GSE1: variants seen among roughly 807,000 people sequenced by gnomAD.
GSE1 encodes the protein genetic suppressor element 1.
A neutral mutation model predicts 112.6 loss-of-function variants in GSE1; 32 were observed. The observed-to-expected ratio is 0.28, with a 90% confidence interval of 0.21 to 0.38. The LOEUF is 0.38. Ranked by LOEUF, GSE1 falls within the 10% of genes least tolerant of loss-of-function variation. GSE1 has a pLI of 1.00. For synonymous variants in GSE1, 1,115 were observed against 735.6 expected, an observed-to-expected ratio of 1.52 and a Z score of -8.35; for missense variants, 2,348 against 1,699.2, an observed-to-expected ratio of 1.38 and a Z score of -6.71.
At chr16:85,666,376 T>C in intron 13 of GSE1, 29 bp downstream of exon 13, 1 of 1,611,966 alleles carries the variant, frequency 6.2e-7, no homozygotes, top group Non-Finnish European at 8.5e-7. Context: ...CCTGCTCAGC[T>C]CTCGGCTGTG....
At chr16:85,510,757 G>A (rs1284110414) in intron 2 of GSE1, among the ~76,000 whole-genome samples, 1 of 152,090 alleles carries the variant, frequency 6.6e-6, no homozygotes, top group Non-Finnish European at 1.5e-5. Context: ...ACCCCTGCAG[G>A]CCTCCTGCTC....
At chr16:85,609,246 A>G (rs1427955430), upstream of GSE1, among the ~76,000 whole-genome samples, 1 of 152,148 alleles carries the variant, frequency 6.6e-6, no homozygotes, top group Non-Finnish European at 1.5e-5. Context: ...ACCTTTAAAA[A>G]CAACCAAAAA....
At chr16:85,238,603 A>G (rs1904909972) in intron 1 of GSE1, among the ~76,000 whole-genome samples, 1 of 151,696 alleles carries the variant, frequency 6.6e-6, no homozygotes, top group African/African-American at 2.4e-5. Flanking sequence ...CAGCCTCTGC[A>G]CTCCCCCTTG....
At chr16:85,501,737 C>T (rs2051374934) in intron 2 of GSE1, among the ~76,000 whole-genome samples, 1 of 152,206 alleles carries the variant, frequency 6.6e-6, no homozygotes, top group African/African-American at 2.4e-5. Flanking sequence ...CAGCCCACAA[C>T]ACCCCCTTTT....
At position 85,663,468 on chromosome 16, in the gene GSE1, A is replaced by G. The variant is rs747759505; in HGVS notation, c.2498A>G (p.Gln833Arg). The G allele has an allele frequency of 6.2e-7, 1 of 1,613,974 alleles. No homozygotes were observed. Among genetic ancestry groups the G allele is most frequent in the South Asian group, 1.1e-5 (1 of 91,080 alleles). The change falls in exon 11 of 16, where the codon CAG becomes CGG. Residue 833 changes from glutamine to arginine, a missense_variant. Coordinates refer to ENST00000253458, the MANE Select transcript of GSE1 (RefSeq NM_014615.5). ...RERSPSPPTI[Q>R]SKRQTPSPRL... ...AGAAGCCCGTCGCCCCCAACAATTC[A>G]GAGCAAGCGGCAGACGCCTTCACCG...
chr16:85,606,352 G>C (rs1397325635), intron 1 of GSE1, among the ~76,000 whole-genome samples: 1 of 152,210 alleles, frequency 6.6e-6, no homozygotes, highest in Non-Finnish European at 1.5e-5. Flanking sequence ...GGGAAGGCAG[G>C]GCGGACTTCT....
chr16:85,621,746 A>T (rs910782423), intron 1 of GSE1, among the ~76,000 whole-genome samples: 6 of 152,126 alleles, frequency 3.9e-5, no homozygotes, highest in African/African-American at 1.4e-4. Flanking sequence ...GTTTTGTGTC[A>T]TCCGTGTCTC....
At chr16:85,556,867 T>C (rs1009204474) in intron 1 of GSE1, among the ~76,000 whole-genome samples, 15 of 151,108 alleles carry the variant, frequency 9.9e-5, no homozygotes, top group Admixed American at 7.9e-4. Flanking sequence ...CTGCCTGGGA[T>C]TCCCTGGAAG....
chr16:85,287,558 G>A (rs1340473630), intron 1 of GSE1, among the ~76,000 whole-genome samples: 1 of 152,024 alleles, frequency 6.6e-6, no homozygotes, highest in East Asian at 1.9e-4. Flanking sequence ...CTTTGTACCC[G>A]CTGCCCCCTC....
At chr16:85,555,509 T>TC, upstream of GSE1, 1 of 984,660 alleles carries the variant, frequency 1.0e-6, no homozygotes, top group Non-Finnish European at 1.2e-6. Flanking sequence ...AGAAGAAATC[T>TC]CCCCCTCGGT....
intron 12 of GSE1, among the ~76,000 whole-genome samples, 174 bp downstream of exon 12, chr16:85,665,302 G>A (rs933584670): frequency 7.9e-5 from 12 of 152,104 alleles, no homozygotes; most frequent in African/African-American, 2.4e-4. Flanking sequence ...TCATTGGGAC[G>A]GAACGTCAGT....
chr16:85,255,266 C>G (rs1906947888), intron 1 of GSE1, among the ~76,000 whole-genome samples: 2 of 152,152 alleles, frequency 1.3e-5, no homozygotes, highest in African/African-American at 4.8e-5. Flanking sequence ...GCCCAGAGGC[C>G]AGAGCCTGGG....
chr16:85,225,377 G>A (rs926869657), intron 1 of GSE1, among the ~76,000 whole-genome samples: 1 of 152,176 alleles, frequency 6.6e-6, no homozygotes, highest in Non-Finnish European at 1.5e-5. Flanking sequence ...GAGGGCCCGA[G>A]GAGGGAACGG....
intron 2 of GSE1, among the ~76,000 whole-genome samples, chr16:85,638,026 C>T (rs554854314): frequency 6.6e-4 from 100 of 152,312 alleles, no homozygotes; most frequent in African/African-American, 2.3e-3. Context: ...TGCTGCCCCA[C>T]GCGGCCCCTC....
chr16:85,644,467 T>A (rs2050692309), intron 2 of GSE1, among the ~76,000 whole-genome samples: 1 of 151,714 alleles, frequency 6.6e-6, no homozygotes, highest in Non-Finnish European at 1.5e-5. Context: ...AGGCACACAG[T>A]GGACTGTCAC....
chr16:85,272,457 G>A (rs1007276790), intron 1 of GSE1, among the ~76,000 whole-genome samples: 1 of 152,200 alleles, frequency 6.6e-6, no homozygotes. Flanking sequence ...AAAACGGTCT[G>A]GTTTTGGTGA....
rs896416021 is a variant in GSE1, at chr16:85,674,694, C to G, written c.*2155C>G. 1 of 152,240 alleles carries G rather than the reference C, an allele frequency of 6.6e-6. No homozygotes were observed. The highest frequency in any genetic ancestry group is 2.4e-5 in the African/African-American group (1 of 41,438). The allele number at this position is 152,240 out of a possible 1,614,324, so 9.4% of individuals were successfully genotyped here. ...ACTTAAAAACGTAGCTCATCCCTTA[C>G]CATCCAAGGGGCACTCCCTTGGTTG... On this transcript the variant is annotated 3_prime_UTR_variant, in exon 16 of 16. Coordinates refer to ENST00000253458, the MANE Select transcript of GSE1 (RefSeq NM_014615.5).
At chr16:85,198,669 C>T (rs1194914055) in intron 1 of GSE1, among the ~76,000 whole-genome samples, 1 of 152,282 alleles carries the variant, frequency 6.6e-6, no homozygotes, top group South Asian at 2.1e-4. Flanking sequence ...GACTGCAATG[C>T]CCCCATTTGA....
At chr16:85,436,796 C>T (rs779334016) in intron 2 of GSE1, among the ~76,000 whole-genome samples, 3 of 152,220 alleles carry the variant, frequency 2.0e-5, no homozygotes, top group Admixed American at 6.5e-5. Context: ...ACCCCACGCG[C>T]GCTGCCAGGC....
Sources: gnomAD v4.1 joint callset for allele counts (sites outside exome capture counted in the v4.1 genomes callset) on GRCh38, gnomAD v4.1.1 for gene constraint, MANE v1.5 for transcripts, NCBI Gene and HGNC (gene_info 2026-07-23, HGNC 2026-07-21) for gene names.